The following TNIP1 variants were observed in gnomAD, a reference collection of about 807,000 sequenced individuals.
TNIP1 encodes the protein TNFAIP3-interacting protein 1.
A neutral mutation model predicts 86.6 loss-of-function variants in TNIP1; 22 were observed. The ratio of observed to expected loss-of-function variants is 0.25; its 90% CI spans 0.18 to 0.36. TNIP1 has a LOEUF of 0.36. Among genes scored for constraint, TNIP1 ranks in the 10% least tolerant of loss-of-function variants. The pLI is 1.00. For synonymous variants in TNIP1, 294 were observed against 313.0 expected (o/e 0.94, Z 0.64); for missense variants, 709 against 820.6 (o/e 0.86, Z 1.66).
At position 151,029,975 on chromosome 5, in the gene TNIP1, T is replaced by C. The variant is rs1394016727; in HGVS notation, c.*738A>G. The C allele has an allele frequency of 2.3e-6, 1 of 433,692 alleles. No individual in the cohort carries two copies. The highest frequency in any genetic ancestry group is 4.8e-6 in the Non-Finnish European group (1 of 209,366). The allele number at this position is 433,692 out of a possible 1,614,324, so 26.9% of individuals were successfully genotyped here. A position where few individuals can be genotyped will look rare whatever the true frequency, so the allele number is the denominator to read the frequency against. ...CTTCTTCAACTTGGATTTATGTCCA[T>C]GATTCGTGCAAATAGCTATCCAGGG... On this transcript the variant is annotated 3_prime_UTR_variant, in exon 18 of 18. Coordinates refer to ENST00000521591, the MANE Select transcript of TNIP1 (RefSeq NM_006058.5).
intron 1 of TNIP1, among the ~76,000 whole-genome samples, chr5:151,073,166 A>G (rs1763001500): frequency 1.3e-5 from 2 of 151,430 alleles, no homozygotes; most frequent in Non-Finnish European, 2.9e-5. Flanking sequence ...AGATTGCAGT[A>G]AGCCGAGATC....
intron 11 of TNIP1, 88 bp from the exon 12 acceptor site, chr5:151,039,313 G>A (rs1017515141): frequency 1.5e-5 from 21 of 1,445,404 alleles, no homozygotes; most frequent in Admixed American, 4.7e-5. Context: ...CAGCCCTTAC[G>A]TTCTCCCCTG....
chr5:151,056,774 T>C lies in TNIP1; in HGVS notation c.619A>G (p.Ile207Val), dbSNP rs1467353370. ...KVHKNEQRTS[I>V]LQTLCEQLRK... is the part of the protein sequence containing the mutation. ...CTCCCCACGCGCCTCACCTGCAGAATGGAGGTGCGCTGCTCATTCTTGTGC... is the reference window on the plus strand; with the variant it reads ...CTCCCCACGCGCCTCACCTGCAGAACGGAGGTGCGCTGCTCATTCTTGTGC... The change falls in exon 6 of 18, where the codon ATT becomes GTT. Residue 207 changes from isoleucine (I) to valine (V), a missense_variant. Physicochemically the swap from Ile to Val is conservative, Grantham distance 29. Transcript: ENST00000521591. 2.2e-5 allele frequency: 33 copies of C among 1,511,976 alleles called. No individual in the cohort carries two copies. Among genetic ancestry groups the C allele is most frequent in the Non-Finnish European group, 2.7e-5 (30 of 1,122,628 alleles). 93.7% of individuals were successfully genotyped at this position (1,511,976 alleles called of 1,614,324 possible).
chr5:151,077,278 C>T (rs1383315277), intron 1 of TNIP1, among the ~76,000 whole-genome samples: 1 of 152,214 alleles, frequency 6.6e-6, no homozygotes, highest in Non-Finnish European at 1.5e-5. Context: ...ACAATCCATT[C>T]ATGAAGCAGA....
intron 6 of TNIP1, 131 bp from the exon 7 acceptor site, chr5:151,052,390 C>A: frequency 2.8e-6 from 2 of 715,440 alleles, no homozygotes; most frequent in South Asian, 3.5e-5. Flanking sequence ...CCTGGCCTCA[C>A]CCCATCCCTC....
Position 151,030,146 on chromosome 5 carries a change from C to T in TNIP1, c.*567G>A, listed in dbSNP as rs1481993411. 6.6e-6 allele frequency: 3 copies of T among 456,910 alleles called. No individual in the cohort carries two copies. The highest frequency in any genetic ancestry group is 1.3e-5 in the Non-Finnish European group (3 of 226,980). 28.3% of individuals were successfully genotyped at this position (456,910 alleles called of 1,614,324 possible). A position where few individuals can be genotyped will look rare whatever the true frequency, so the allele number is the denominator to read the frequency against. ...GGCCTTCTCCCATCTGTGATGGCTTCAGCAAGGCTACTGTGAGTGGTGGTG... is the reference window on the plus strand; with the variant it reads ...GGCCTTCTCCCATCTGTGATGGCTTTAGCAAGGCTACTGTGAGTGGTGGTG... On this transcript the variant is annotated 3_prime_UTR_variant, in exon 18 of 18. Coordinates refer to ENST00000521591, the MANE Select transcript of TNIP1 (RefSeq NM_006058.5).
At chr5:151,061,991 G>C (rs942035633) in intron 4 of TNIP1, 136 bp downstream of exon 4, 12 of 771,158 alleles carry the variant, frequency 1.6e-5, no homozygotes, top group Non-Finnish European at 2.5e-5. Flanking sequence ...GTTTGCGATG[G>C]ACTTGCCCAA....
Position 151,036,563 on chromosome 5 carries a change from G to A in TNIP1, c.1395+227C>T, listed in dbSNP as rs146941663. Among the ~76,000 whole-genome samples, 148 of 152,246 alleles carry A rather than the reference G, an allele frequency of 9.7e-4. No individual in the cohort carries two copies. The East Asian group carries it at 0.014, about 14-fold the overall frequency. On this transcript the variant is annotated intron_variant, in intron 13 of 17. Transcript: ENST00000521591. ...TTAAATACTAGGTAAATAATAGCAC[G>A]TGTGGGGCATAGAGATGGCTAAATC... is the stretch of plus-strand genomic sequence containing the variant.
chr5:151,081,596 A>G (rs1306115898), upstream of TNIP1, among the ~76,000 whole-genome samples: 1 of 152,220 alleles, frequency 6.6e-6, no homozygotes, highest in African/African-American at 2.4e-5. Context: ...ATTCCCAGAC[A>G]TCGTAAACGC....
At chr5:151,077,386 T>C (rs762840663) in intron 1 of TNIP1, among the ~76,000 whole-genome samples, 17 of 152,206 alleles carry the variant, frequency 1.1e-4, no homozygotes, top group Non-Finnish European at 4.4e-5. Flanking sequence ...CTCATCATCT[T>C]CTACTGGAAT....
In TNIP1 at chr5:151,059,866, TGCGCGCGCGCGC is replaced by T. The variant is rs72220408; in HGVS notation, c.435+440_435+451del. The stretch of plus-strand genomic sequence containing the variant: ...GTGTGTGTGTGTGTGTGTGTGTGTG[TGCGCGCGCGCGC>T]GCGCATGCGTGTAAGTGGAAAGTTG... On this transcript the variant is annotated intron_variant, in intron 5 of 17. Coordinates refer to ENST00000521591, the MANE Select transcript of TNIP1 (RefSeq NM_006058.5). Among the ~76,000 whole-genome samples, 10 of 82,698 alleles carry T rather than the reference TGCGCGCGCGCGC, an allele frequency of 1.2e-4. 1 individual carries two copies. The East Asian group carries it at 4.4e-3, about 37-fold the overall frequency. The allele number at this position is 82,698 out of a possible 152,430, so 54.3% of individuals were successfully genotyped here.
intron 1 of TNIP1, among the ~76,000 whole-genome samples, chr5:151,065,489 T>A (rs894817778): frequency 2.6e-5 from 4 of 152,166 alleles, no homozygotes; most frequent in African/African-American, 7.2e-5. Flanking sequence ...AGGAATCCCA[T>A]ATGTTTTACC....
At chr5:151,058,240 G>A (rs1475415210) in intron 5 of TNIP1, among the ~76,000 whole-genome samples, 2 of 152,164 alleles carry the variant, frequency 1.3e-5, no homozygotes, top group Non-Finnish European at 2.9e-5. Context: ...GTCTTCTGGG[G>A]AATGGCCCAA....
At chr5:151,067,481 CA>C (rs944129448) in intron 1 of TNIP1, among the ~76,000 whole-genome samples, 3 of 152,190 alleles carry the variant, frequency 2.0e-5, no homozygotes, top group Admixed American at 6.5e-5. Context: ...AGTTCAAGAA[CA>C]GTGAAACAGA....
chr5:151,035,592 G>A lies in TNIP1; in HGVS notation c.1511C>T (p.Ser504Leu), dbSNP rs757590006. ...VEKLQAQVTL[S>L]NAQLKAFKDE... Reference sequence around the variant, plus strand: ...TCCAGTCACTCTTACCTGGGCATTTGACAGGGTGACCTGGGCCTGCAGCTT... The same window carrying A: ...TCCAGTCACTCTTACCTGGGCATTTAACAGGGTGACCTGGGCCTGCAGCTT... Residue 504 changes from serine to leucine, a missense_variant, in exon 14 of 18, where the codon TCA (serine) becomes TTA (leucine). Physicochemically the swap from Ser to Leu is moderately radical, Grantham distance 145. Coordinates refer to ENST00000521591, the MANE Select transcript of TNIP1 (RefSeq NM_006058.5). 2.5e-6 allele frequency: 4 copies of A among 1,614,194 alleles called. No homozygotes were observed. The Admixed American group carries it at 5.0e-5, about 20-fold the overall frequency.
chr5:151,031,409 C>T (rs548856569), intron 17 of TNIP1, among the ~76,000 whole-genome samples: 46 of 152,312 alleles, frequency 3.0e-4, no homozygotes, highest in Admixed American at 1.9e-3. Context: ...GTCCCACAGG[C>T]GAGGTGGTGC....
At chr5:151,067,608 T>C (rs1581890893) in intron 1 of TNIP1, among the ~76,000 whole-genome samples, 1 of 152,340 alleles carries the variant, frequency 6.6e-6, no homozygotes, top group East Asian at 1.9e-4. Flanking sequence ...CATGAAGGCA[T>C]GGGGAATTTC....
upstream of TNIP1, among the ~76,000 whole-genome samples, chr5:151,084,187 G>A (rs1007660085): frequency 3.9e-4 from 60 of 152,224 alleles, 2 homozygotes; most frequent in Non-Finnish European, 1.5e-5. Flanking sequence ...GCTCACGCCT[G>A]TAATCCCAAC....
intron 17 of TNIP1, among the ~76,000 whole-genome samples, chr5:151,031,687 CCT>C (rs1334151992): frequency 6.6e-6 from 1 of 152,038 alleles, no homozygotes; most frequent in Admixed American, 6.5e-5. Context: ...CTGCGTTGCC[CCT>C]CTCTTTCCCT....
Sources: allele counts gnomAD v4.1 joint callset (sites outside exome capture counted in the v4.1 genomes callset), GRCh38; gene constraint gnomAD v4.1.1; transcripts MANE v1.5; gene names NCBI Gene and HGNC (gene_info 2026-07-23, HGNC 2026-07-21).